The following LYPD6B variants were observed in gnomAD, a reference collection of about 807,000 sequenced individuals.
LYPD6B encodes the protein ly6/PLAUR domain-containing protein 6B.
In LYPD6B, 17 loss-of-function variants were observed where a neutral mutation model predicts 22.8. The observed-to-expected ratio is 0.75, with a 90% CI of 0.51 to 1.12. The LOEUF (loss-of-function observed/expected upper bound fraction) is 1.12. Ranked by LOEUF, LYPD6B falls within the 50% of genes most tolerant of loss-of-function variation. LYPD6B has a pLI of 0.00. For synonymous variants in LYPD6B, 106 were observed against 91.6 expected, an observed-to-expected ratio of 1.16 and a Z score of -0.90; for missense variants, 221 against 258.3, an observed-to-expected ratio of 0.86 and a Z score of 0.99.
intron 1 of LYPD6B, among the ~76,000 whole-genome samples, chr2:149,123,978 C>T (rs1037143625): frequency 6.6e-6 from 1 of 152,192 alleles, no homozygotes; most frequent in Non-Finnish European, 1.5e-5. Context: ...TAATACTCAC[C>T]TGATGTTATC....
chr2:149,170,807 C>G (rs565006846), intron 3 of LYPD6B, among the ~76,000 whole-genome samples: 1 of 152,286 alleles, frequency 6.6e-6, no homozygotes, highest in African/African-American at 2.4e-5. Context: ...ATAAAACCAA[C>G]AGTCACTATT....
intron 3 of LYPD6B, among the ~76,000 whole-genome samples, chr2:149,174,925 C>T (rs1194914067): frequency 6.6e-6 from 1 of 151,762 alleles, no homozygotes; most frequent in African/African-American, 2.4e-5. Context: ...TGCACATGTA[C>T]CCCTGAACCT....
At position 149,086,182 on chromosome 2, in the gene LYPD6B, A is replaced by G. The variant is rs114709866; in HGVS notation, c.-66-44701A>G. Among the ~76,000 whole-genome samples, 697 of 152,338 alleles carry G rather than the reference A, an allele frequency of 4.6e-3. 8 individuals carry two copies. The highest frequency in any genetic ancestry group is 0.016 in the African/African-American group (668 of 41,576). On this transcript the variant is annotated intron_variant, in intron 1 of 6. Coordinates refer to ENST00000409642, the MANE Select transcript of LYPD6B (RefSeq NM_177964.5). ...TGCTGTACACATAAACACTTCCCCA[A>G]TGTGCATTCATGCCAGTGTAAAACA...
intron 2 of LYPD6B, among the ~76,000 whole-genome samples, chr2:149,132,623 G>A (rs749571167): frequency 6.6e-6 from 1 of 152,022 alleles, no homozygotes; most frequent in Non-Finnish European, 1.5e-5. Context: ...GCAAGGAGAT[G>A]TACTGCTAAA....
At chr2:149,132,361 T>G (rs1208058311) in intron 2 of LYPD6B, among the ~76,000 whole-genome samples, 1 of 151,010 alleles carries the variant, frequency 6.6e-6, no homozygotes, top group Non-Finnish European at 1.5e-5. Flanking sequence ...TGGTTTCGGT[T>G]TGGGCAAAAG....
chr2:149,189,699 T>A (rs1410822258), intron 3 of LYPD6B, among the ~76,000 whole-genome samples: 1 of 152,078 alleles, frequency 6.6e-6, no homozygotes, highest in African/African-American at 2.4e-5. Context: ...TGGCTGTTGA[T>A]CTTCCTTACC....
intron 1 of LYPD6B, among the ~76,000 whole-genome samples, chr2:149,108,141 T>A (rs1686571729): frequency 6.6e-6 from 1 of 152,142 alleles, no homozygotes; most frequent in African/African-American, 2.4e-5. Context: ...TCTGATGGTT[T>A]AATAAAGAAG....
intron 3 of LYPD6B, among the ~76,000 whole-genome samples, chr2:149,196,753 T>C (rs1020388878): frequency 1.3e-5 from 2 of 152,250 alleles, no homozygotes; most frequent in African/African-American, 4.8e-5. Flanking sequence ...AACACACATA[T>C]ACAGAGACAT....
intron 4 of LYPD6B, chr2:149,206,250 C>T (rs1693497561): frequency 4.1e-6 from 1 of 246,846 alleles, no homozygotes; most frequent in South Asian, 5.2e-5. Flanking sequence ...TTTTAAGAAG[C>T]TCTTCTGATA....
At chr2:149,078,056 C>T (rs1684956779) in intron 1 of LYPD6B, among the ~76,000 whole-genome samples, 2 of 152,292 alleles carry the variant, frequency 1.3e-5, no homozygotes, top group South Asian at 2.1e-4. Context: ...TGACAGTCAA[C>T]ACTGTTAATT....
chr2:149,079,086 A>G (rs1299369468), intron 1 of LYPD6B, among the ~76,000 whole-genome samples: 2 of 151,756 alleles, frequency 1.3e-5, no homozygotes, highest in East Asian at 1.9e-4. Flanking sequence ...TAAAAAAAAA[A>G]AAAAGACCAG....
chr2:149,048,454 G>C (rs182520933), intron 1 of LYPD6B, among the ~76,000 whole-genome samples: 2 of 152,168 alleles, frequency 1.3e-5, no homozygotes, highest in Admixed American at 1.3e-4. Flanking sequence ...GTCTTCCTGT[G>C]GTACTGGGCC....
At chr2:149,157,678 A>G (rs1248370739) in intron 2 of LYPD6B, among the ~76,000 whole-genome samples, 5 of 152,172 alleles carry the variant, frequency 3.3e-5, no homozygotes, top group African/African-American at 4.8e-5. Context: ...CTGCTCTTCC[A>G]TACACGTTGA....
chr2:149,186,031 G>A (rs1272079893), intron 3 of LYPD6B, among the ~76,000 whole-genome samples: 2 of 152,136 alleles, frequency 1.3e-5, no homozygotes, highest in African/African-American at 2.4e-5. Context: ...ATACACTATT[G>A]AAATTAGTTC....
intron 2 of LYPD6B, among the ~76,000 whole-genome samples, chr2:149,144,369 A>G (rs919584403): frequency 1.1e-4 from 16 of 151,916 alleles, no homozygotes; most frequent in African/African-American, 3.9e-4. Flanking sequence ...TAGATGAAAG[A>G]CTAGTTTTTT....
At position 149,176,286 on chromosome 2, in the gene LYPD6B, C is replaced by T. The variant is rs138004025; in HGVS notation, c.77+15451C>T. Among the ~76,000 whole-genome samples the T allele has an allele frequency of 3.5e-4, 54 of 152,168 alleles. 1 individual carries two copies. Among genetic ancestry groups the T allele is most frequent in the African/African-American group, 1.2e-3 (48 of 41,512 alleles). ...ATTATGCGGCATGTGACTGTATGTG[C>T]GTGTGTGCACACAGATGTGTGTGTT... On this transcript the variant is annotated intron_variant, in intron 3 of 6. Coordinates refer to ENST00000409642, the MANE Select transcript of LYPD6B (RefSeq NM_177964.5).
chr2:149,184,757 GT>G (rs1233317038), intron 3 of LYPD6B, among the ~76,000 whole-genome samples: 1 of 152,192 alleles, frequency 6.6e-6, no homozygotes, highest in Non-Finnish European at 1.5e-5. Context: ...ACCTCTGACT[GT>G]TTTGAGTTAA....
intron 2 of LYPD6B, among the ~76,000 whole-genome samples, chr2:149,149,281 A>G (rs182139329): frequency 6.6e-6 from 1 of 152,306 alleles, no homozygotes; most frequent in African/African-American, 2.4e-5. Flanking sequence ...TTACAGGTAA[A>G]AACAGAGCCC....
At chr2:149,108,893 C>T (rs976983249) in intron 1 of LYPD6B, among the ~76,000 whole-genome samples, 2 of 152,060 alleles carry the variant, frequency 1.3e-5, no homozygotes, top group East Asian at 1.9e-4. Context: ...TTATAGCATA[C>T]ATCTTTAACT....
Sources: gnomAD v4.1 joint callset for allele counts (sites outside exome capture counted in the v4.1 genomes callset) on GRCh38, gnomAD v4.1.1 for gene constraint, MANE v1.5 for transcripts, NCBI Gene and HGNC (gene_info 2026-07-23, HGNC 2026-07-21) for gene names.